AFG1L: variants seen among roughly 807,000 people sequenced by gnomAD.
AFG1L encodes AFG1 like ATPase, also known as AFG1-like ATPase.
AFG1L carries 53 observed loss-of-function variants against 62.2 expected under a neutral mutation model. The ratio of observed to expected loss-of-function variants is 0.85; its 90% confidence interval spans 0.68 to 1.07. AFG1L has a LOEUF of 1.07. AFG1L is among the 50% of genes least tolerant of loss of function. The pLI, the probability that AFG1L is intolerant of heterozygous loss-of-function variation, is 0.00. For synonymous variants in AFG1L, 228 were observed against 210.3 expected, an observed-to-expected ratio of 1.08 and a Z score of -0.73; for missense variants, 555 against 590.5, an observed-to-expected ratio of 0.94 and a Z score of 0.62.
intron 7 of AFG1L, among the ~76,000 whole-genome samples, chr6:108,424,023 C>T (rs1383496458): frequency 6.6e-6 from 1 of 152,008 alleles, no homozygotes; most frequent in African/African-American, 2.4e-5. Context: ...ATGTAATATG[C>T]ATGCATGTAT....
intron 6 of AFG1L, among the ~76,000 whole-genome samples, chr6:108,390,849 A>G (rs1047659395): frequency 2.6e-5 from 4 of 152,118 alleles, no homozygotes; most frequent in Non-Finnish European, 5.9e-5. Context: ...CCTTTCTCAA[A>G]TCTCAAACTC....
At chr6:108,447,422 A>G (rs758387596) in intron 8 of AFG1L, 126 bp downstream of exon 8, 1 of 567,086 alleles carries the variant, frequency 1.8e-6, no homozygotes, top group Non-Finnish European at 3.2e-6. Flanking sequence ...TAAATTGCAA[A>G]TGTTCTCATG....
intron 7 of AFG1L, among the ~76,000 whole-genome samples, chr6:108,422,989 AAC>A (rs1770669327): frequency 6.6e-6 from 1 of 152,118 alleles, no homozygotes; most frequent in Non-Finnish European, 1.5e-5. Flanking sequence ...TCTGAAAGGC[AAC>A]ACCTGAACAT....
At chr6:108,339,571 C>T (rs1778604430) in intron 2 of AFG1L, among the ~76,000 whole-genome samples, 2 of 151,482 alleles carry the variant, frequency 1.3e-5, no homozygotes, top group South Asian at 4.2e-4. Flanking sequence ...GTGATTCTCC[C>T]ACCTCAGTCT....
At chr6:108,296,405 A>G (rs1018515916) in intron 1 of AFG1L, among the ~76,000 whole-genome samples, 1 of 152,226 alleles carries the variant, frequency 6.6e-6, no homozygotes, top group African/African-American at 2.4e-5. Flanking sequence ...CAACAGGTGC[A>G]AGAAAGAATA....
chr6:108,404,225 A>C (rs1170624121), intron 7 of AFG1L, among the ~76,000 whole-genome samples: 4 of 152,178 alleles, frequency 2.6e-5, no homozygotes, highest in East Asian at 1.9e-4. Context: ...GTCAATCTTA[A>C]AACAAATTGA....
At chr6:108,366,390 A>ATTGGAAGGAT in intron 6 of AFG1L, 58 bp downstream of exon 6, 1 of 1,056,602 alleles carries the variant, frequency 9.5e-7, no homozygotes, top group Non-Finnish European at 1.4e-6. Context: ...CAAGCTTTTA[A>ATTGGAAGGAT]AAATCCATAA....
intron 7 of AFG1L, among the ~76,000 whole-genome samples, chr6:108,446,491 C>CTTTTTTTTT (rs1184074963): frequency 1.6e-5 from 2 of 122,292 alleles, no homozygotes; most frequent in African/African-American, 3.5e-5. Context: ...CTCTCTCTCT[C>CTTTTTTTTT]TTTTTTTTTT....
chr6:108,343,390 C>A (rs1261747048), intron 2 of AFG1L, among the ~76,000 whole-genome samples: 1 of 151,974 alleles, frequency 6.6e-6, no homozygotes, highest in Non-Finnish European at 1.5e-5. Flanking sequence ...TCTCTCCATG[C>A]AATCTTTCCC....
rs757924406 is a variant in AFG1L, at chr6:108,399,769, C to CTTTTT, written c.749-2204_749-2200dup. Among the ~76,000 whole-genome samples the CTTTTT allele has an allele frequency of 9.4e-5, 4 of 42,656 alleles. 2 individuals carry two copies. Among genetic ancestry groups the CTTTTT allele is most frequent in the African/African-American group, 1.9e-4 (2 of 10,432 alleles). The allele number at this position is 42,656 out of a possible 152,430, so 28.0% of individuals were successfully genotyped here. ...TGGGGTGGGGTGTGGAAGTATCTCT[C>CTTTTT]TTTTTTTTTTTTTTTTTTTTTTTTT... On this transcript the variant is annotated intron_variant, in intron 6 of 12. Coordinates refer to ENST00000368977, the MANE Select transcript of AFG1L (RefSeq NM_145315.5).
chr6:108,447,183 T>TA, intron 7 of AFG1L, 31 bp from the exon 8 acceptor site: 1 of 1,200,956 alleles, frequency 8.3e-7, no homozygotes, highest in Non-Finnish European at 1.2e-6. Context: ...ACTACTTGTT[T>TA]AAAAAGGCAC....
intron 10 of AFG1L, among the ~76,000 whole-genome samples, chr6:108,478,637 C>G (rs1046251781): frequency 6.6e-6 from 1 of 152,180 alleles, no homozygotes; most frequent in African/African-American, 2.4e-5. Flanking sequence ...CCACTTAGGT[C>G]TGACTTATTT....
At chr6:108,328,805 TA>T (rs914890665) in intron 2 of AFG1L, among the ~76,000 whole-genome samples, 1 of 152,166 alleles carries the variant, frequency 6.6e-6, no homozygotes, top group African/African-American at 2.4e-5. Flanking sequence ...TGGTGGTTTT[TA>T]AAAAAATCTT....
rs1345553797 is a variant in AFG1L at position 108,295,089 on chromosome 6, T to G, written c.10T>G (p.Ser4Ala). ...TCGTACGGAGTTCAAGATGGCGGCC[T>G]CCTGGTCGCTCTTGGTTACCCTGCG... MAA[S>A]WSLLVTLRPL... The change falls in exon 1 of 13, where the codon TCC (serine) becomes GCC (alanine). Residue 4 changes from serine (S) to alanine (A), a missense_variant. By Grantham distance (99) the Ser-to-Ala change is moderately conservative. Transcript: ENST00000368977. The G allele has an allele frequency of 1.9e-6, 3 of 1,611,150 alleles. No individual in the cohort carries two copies. Among genetic ancestry groups the G allele is most frequent in the Non-Finnish European group, 2.5e-6 (3 of 1,179,996 alleles).
At chr6:108,401,933 A>G (rs1358344566) in intron 6 of AFG1L, 63 bp from the exon 7 acceptor site, 1 of 751,104 alleles carries the variant, frequency 1.3e-6, no homozygotes, top group African/African-American at 1.9e-5. Context: ...TTGCCAGGCT[A>G]AACGATAAAT....
intron 2 of AFG1L, among the ~76,000 whole-genome samples, chr6:108,331,333 T>C (rs1165313442): frequency 2.0e-5 from 3 of 152,198 alleles, no homozygotes; most frequent in Non-Finnish European, 4.4e-5. Flanking sequence ...GACTTCATTA[T>C]GGTGGACTTA....
intron 11 of AFG1L, among the ~76,000 whole-genome samples, chr6:108,511,963 G>C (rs992143547): frequency 2.0e-5 from 3 of 152,224 alleles, no homozygotes; most frequent in Admixed American, 2.0e-4. Flanking sequence ...GGGATGACCT[G>C]TTAGACAGAG....
At chr6:108,373,585 A>T (rs1349967483) in intron 6 of AFG1L, among the ~76,000 whole-genome samples, 2 of 148,994 alleles carry the variant, frequency 1.3e-5, no homozygotes, top group Non-Finnish European at 3.0e-5. Context: ...GGTAGTTCTG[A>T]GATTTTTTTT....
intron 6 of AFG1L, among the ~76,000 whole-genome samples, chr6:108,375,377 G>A (rs1449173016): frequency 6.6e-6 from 1 of 152,152 alleles, no homozygotes; most frequent in African/African-American, 2.4e-5. Flanking sequence ...TAGGAGTGGT[G>A]AGAGTGGACA....
Sources: allele counts gnomAD v4.1 joint callset (sites outside exome capture counted in the v4.1 genomes callset), GRCh38; gene constraint gnomAD v4.1.1; transcripts MANE v1.5; gene names NCBI Gene and HGNC (gene_info 2026-07-23, HGNC 2026-07-21).